Variants in MIPOL1 observed in about 807,000 individuals in gnomAD.
MIPOL1 encodes mirror-image polydactyly gene 1 protein.
A neutral mutation model predicts 60.9 loss-of-function variants in MIPOL1; 57 were observed. That is an observed-to-expected ratio of 0.94 (90% CI 0.76 to 1.17). The LOEUF (loss-of-function observed/expected upper bound fraction) is 1.17, where lower values mean the gene tolerates loss of function less well. MIPOL1 is among the 50% of genes most tolerant of loss of function. MIPOL1 has a pLI of 0.00. For synonymous variants in MIPOL1, 179 were observed against 168.8 expected, an observed-to-expected ratio of 1.06 and a Z score of -0.47; for missense variants, 551 against 511.6, an observed-to-expected ratio of 1.08 and a Z score of -0.74.
At chr14:37,294,007 C>A (rs2153420582) in intron 7 of MIPOL1, among the ~76,000 whole-genome samples, 1 of 152,348 alleles carries the variant, frequency 6.6e-6, no homozygotes, top group South Asian at 2.1e-4. Flanking sequence ...GGGCAGACTG[C>A]CTCCTCAAGT....
chr14:37,386,459 G>A (rs1446059214), intron 10 of MIPOL1, among the ~76,000 whole-genome samples: 1 of 151,856 alleles, frequency 6.6e-6, no homozygotes. Flanking sequence ...ACAATAAATT[G>A]ATCTTGTTTC....
chr14:37,310,990 A>G (rs1351491131), intron 9 of MIPOL1, among the ~76,000 whole-genome samples: 3 of 152,172 alleles, frequency 2.0e-5, no homozygotes, highest in Admixed American at 6.5e-5. Flanking sequence ...ATAGCTGTCA[A>G]AAGCTTGGGT....
intron 12 of MIPOL1, among the ~76,000 whole-genome samples, chr14:37,513,591 G>A (rs968592504): frequency 1.9e-4 from 29 of 152,110 alleles, no homozygotes; most frequent in Non-Finnish European, 5.9e-5. Context: ...TTCCAATGGA[G>A]TGCAAAGTGA....
intron 9 of MIPOL1, among the ~76,000 whole-genome samples, chr14:37,326,366 G>T (rs552472800): frequency 2.6e-5 from 4 of 152,316 alleles, no homozygotes; most frequent in Non-Finnish European, 5.9e-5. Context: ...AATGCTCTGT[G>T]GGATACCATG....
chr14:37,408,117 C>T (rs1163874747), intron 10 of MIPOL1, among the ~76,000 whole-genome samples: 1 of 151,992 alleles, frequency 6.6e-6, no homozygotes, highest in Non-Finnish European at 1.5e-5. Context: ...AATGGTCCTC[C>T]TGCCTCAGTC....
chr14:37,197,937 A>T lies in MIPOL1; in HGVS notation c.-366A>T, dbSNP rs1313903181. On this transcript the variant is annotated 5_prime_UTR_variant, in exon 1 of 13. Coordinates refer to ENST00000684589, the MANE Select transcript of MIPOL1 (RefSeq NM_001388067.1). ...CCCCTGCGGCGCGCCGCCGCCCCGT[A>T]GGCCCCACGCGCCGCCCCGCTCCTC... 6.6e-6 allele frequency: 1 copy of T among 151,926 alleles called. No individual in the cohort carries two copies. Among genetic ancestry groups the T allele is most frequent in the African/African-American group, 2.4e-5 (1 of 41,374 alleles). The allele number at this position is 151,926 out of a possible 1,614,324, so 9.4% of individuals were successfully genotyped here. A position where few individuals can be genotyped will look rare whatever the true frequency, so the allele number is the denominator to read the frequency against.
Position 37,268,696 on chromosome 14 carries a change from G to T in MIPOL1, c.290G>T (p.Cys97Phe). 3 of 1,602,130 alleles carry T rather than the reference G, an allele frequency of 1.9e-6. No individual in the cohort carries two copies. Among genetic ancestry groups the T allele is most frequent in the Non-Finnish European group, 2.6e-6 (3 of 1,172,506 alleles). ...AGACATAATGATATGCATTATGAAT[G>T]TATGACTCCTTGTCAAGTTACTTCA... ...EHRHNDMHYE[C>F]MTPCQVTSDS... Residue 97 changes from cysteine to phenylalanine, a missense_variant, in exon 5 of 13, where the codon TGT becomes TTT. Coordinates refer to ENST00000684589, the MANE Select transcript of MIPOL1 (RefSeq NM_001388067.1).
At chr14:37,532,406 C>T (rs1223608268) in intron 12 of MIPOL1, among the ~76,000 whole-genome samples, 3 of 152,144 alleles carry the variant, frequency 2.0e-5, no homozygotes, top group East Asian at 1.9e-4. Flanking sequence ...AATACTAACA[C>T]TTTAACGCAT....
chr14:37,248,495 T>C (rs777733970), intron 3 of MIPOL1, among the ~76,000 whole-genome samples: 4 of 151,588 alleles, frequency 2.6e-5, no homozygotes, highest in East Asian at 2.0e-4. Flanking sequence ...TTGAGAGTGA[T>C]AGAGACACAG....
intron 7 of MIPOL1, among the ~76,000 whole-genome samples, chr14:37,296,388 A>C (rs140391312): frequency 0.027 from 4,153 of 152,292 alleles, 208 homozygotes; most frequent in African/African-American, 0.094. Context: ...CATCACAATT[A>C]AAAGAACTAG....
intron 9 of MIPOL1, among the ~76,000 whole-genome samples, chr14:37,362,972 G>GTCT (rs2092331164): frequency 6.6e-6 from 1 of 152,044 alleles, no homozygotes. Flanking sequence ...GTCATTTAAG[G>GTCT]TCTTCTCTAC....
At chr14:37,223,852 T>C (rs1488274493) in intron 1 of MIPOL1, among the ~76,000 whole-genome samples, 1 of 152,180 alleles carries the variant, frequency 6.6e-6, no homozygotes, top group East Asian at 1.9e-4. Flanking sequence ...AAGGGCTGTC[T>C]TTGAAATTAT....
chr14:37,321,839 A>G (rs2088610367), intron 9 of MIPOL1, among the ~76,000 whole-genome samples: 1 of 151,862 alleles, frequency 6.6e-6, no homozygotes, highest in African/African-American at 2.4e-5. Context: ...ATTTCTGGTA[A>G]TACTTTTTGC....
intron 11 of MIPOL1, among the ~76,000 whole-genome samples, chr14:37,470,933 A>G (rs1237341255): frequency 6.6e-6 from 1 of 152,206 alleles, no homozygotes; most frequent in Non-Finnish European, 1.5e-5. Context: ...AGACACTGGC[A>G]ACTCCAAAAT....
chr14:37,477,698 C>T (rs1235932902), intron 11 of MIPOL1, among the ~76,000 whole-genome samples: 3 of 152,292 alleles, frequency 2.0e-5, no homozygotes, highest in Admixed American at 2.0e-4. Flanking sequence ...ACAGTTTATT[C>T]AGCATCCTCA....
chr14:37,199,920 T>C (rs1028347342), intron 1 of MIPOL1, among the ~76,000 whole-genome samples: 1 of 152,232 alleles, frequency 6.6e-6, no homozygotes, highest in Non-Finnish European at 1.5e-5. Context: ...TGAAAAGTTT[T>C]TCATATTGTG....
chr14:37,397,817 G>A (rs1025109189), intron 10 of MIPOL1, among the ~76,000 whole-genome samples: 3 of 152,070 alleles, frequency 2.0e-5, no homozygotes, highest in Non-Finnish European at 4.4e-5. Flanking sequence ...TCTCACTCCC[G>A]CTGTGGCCCC....
At chr14:37,247,767 G>A in intron 2 of MIPOL1, 62 bp from the exon 3 acceptor site, 2 of 868,358 alleles carry the variant, frequency 2.3e-6, no homozygotes, top group Non-Finnish European at 3.6e-6. Flanking sequence ...ACAAAGGTAA[G>A]ATTTAGGTGT....
intron 1 of MIPOL1, among the ~76,000 whole-genome samples, chr14:37,230,579 A>C (rs1227744952): frequency 6.6e-6 from 1 of 152,178 alleles, no homozygotes. Context: ...ATTTTATAAG[A>C]TGTTGAAGAA....
Sources: allele counts gnomAD v4.1 joint callset (sites outside exome capture counted in the v4.1 genomes callset), GRCh38; gene constraint gnomAD v4.1.1; transcripts MANE v1.5; gene names NCBI Gene and HGNC (gene_info 2026-07-23, HGNC 2026-07-21).